The following HECW1 variants were observed in gnomAD, a reference collection of about 807,000 sequenced individuals.
HECW1 encodes the protein HECT, C2 and WW domain containing E3 ubiquitin protein ligase 1.
HECW1 carries 61 observed loss-of-function variants against 182.3 expected under a neutral mutation model. The ratio of observed to expected loss-of-function variants is 0.33; its 90% CI spans 0.27 to 0.41. The LOEUF (loss-of-function observed/expected upper bound fraction) is 0.41. Among genes scored for constraint, HECW1 ranks in the 10% least tolerant of loss-of-function variants. The pLI is 1.00. For missense variants in HECW1, 1,739 were observed against 2,108.9 expected, an observed-to-expected ratio of 0.82 and a Z score of 3.44; for synonymous variants, 859 against 832.6, an observed-to-expected ratio of 1.03 and a Z score of -0.55.
chr7:43,198,810 G>A (rs1562663908), intron 2 of HECW1, among the ~76,000 whole-genome samples: 1 of 151,686 alleles, frequency 6.6e-6, no homozygotes, highest in African/African-American at 2.4e-5. Context: ...ACACATCCTC[G>A]CACACCCGCA....
At chr7:43,539,159 G>A (rs1020323372) in intron 24 of HECW1, among the ~76,000 whole-genome samples, 7 of 152,184 alleles carry the variant, frequency 4.6e-5, no homozygotes, top group Non-Finnish European at 2.9e-5. Flanking sequence ...GAATGAACTA[G>A]TAGGTTCAAT....
At chr7:43,476,769 C>T (rs1007755347) in intron 16 of HECW1, among the ~76,000 whole-genome samples, 1 of 152,044 alleles carries the variant, frequency 6.6e-6, no homozygotes, top group Middle Eastern at 3.4e-3. Flanking sequence ...TAATATTATA[C>T]CAAAATAAGT....
At chr7:43,229,032 T>C (rs1017649761) in intron 2 of HECW1, among the ~76,000 whole-genome samples, 1 of 152,224 alleles carries the variant, frequency 6.6e-6, no homozygotes, top group Non-Finnish European at 1.5e-5. Flanking sequence ...GAATGAATTA[T>C]TTTTGTAATA....
At position 43,520,510 on chromosome 7, in the gene HECW1, G is replaced by A. The variant is rs113628897; in HGVS notation, c.4019+11389G>A. ...TTCTTCTTCTCTCATTTACATGGGC[G>A]CAAATTTCCTACCCTGAAAATCCAC... On this transcript the variant is annotated intron_variant, in intron 24 of 29. Coordinates refer to ENST00000395891, the MANE Select transcript of HECW1 (RefSeq NM_015052.5). 9.0e-3 allele frequency among the ~76,000 whole-genome samples: 1,363 copies of A among 152,136 alleles called. 20 individuals carry two copies. Among genetic ancestry groups the A allele is most frequent in the East Asian group, 0.028 (147 of 5,170 alleles).
At chr7:43,479,840 T>G (rs1585035381) in intron 17 of HECW1, 96 bp downstream of exon 17, 1 of 1,454,198 alleles carries the variant, frequency 6.9e-7, no homozygotes, top group Non-Finnish European at 9.5e-7. Context: ...GGATCTAGGG[T>G]TGCCTGCGCT....
rs542996883 is a variant in HECW1 at position 43,181,978 on chromosome 7, G to T, written c.-31-61897G>T. Among the ~76,000 whole-genome samples the T allele has an allele frequency of 7.6e-4, 115 of 151,480 alleles. 3 individuals are homozygous for T. The highest frequency in any genetic ancestry group is 2.7e-3 in the African/African-American group (111 of 40,832). On this transcript the variant is annotated intron_variant, in intron 2 of 29. Transcript: ENST00000395891. ...TTTTTGTATTTTTAGTAGAAATGGG[G>T]TTTCACCATGTTAGCCAGGAAGGTC...
chr7:43,486,072 T>C, intron 17 of HECW1, among the ~76,000 whole-genome samples: 1 of 151,456 alleles, frequency 6.6e-6, no homozygotes, highest in Non-Finnish European at 1.5e-5. Flanking sequence ...TGTGTTCTCA[T>C]TGTTCAACTC....
chr7:43,118,147 A>C (rs1006633602), intron 2 of HECW1: 3 of 152,434 alleles, frequency 2.0e-5, no homozygotes, highest in Non-Finnish European at 2.9e-5. Flanking sequence ...CCTTTTATAT[A>C]TTTAGTGAAG....
rs1301002071 is a variant in HECW1, at chr7:43,488,416, GAGAGAGAAAGAAAGAA to G, written c.3235-3653_3235-3638del. Among the ~76,000 whole-genome samples the G allele has an allele frequency of 3.9e-4, 45 of 114,612 alleles. 1 individual carries two copies. The highest frequency in any genetic ancestry group is 1.1e-3 in the African/African-American group (36 of 31,598). The allele number at this position is 114,612 out of a possible 152,430, so 75.2% of individuals were successfully genotyped here. A position where few individuals can be genotyped will look rare whatever the true frequency, so the allele number is the denominator to read the frequency against. On this transcript the variant is annotated intron_variant, in intron 17 of 29. Transcript: ENST00000395891. ...GAAGGAAGGAAATGAAAGAAAGAGA[GAGAGAGAAAGAAAGAA>G]AGAGAAAGAAAGAAAGAAAGAAAGA...
chr7:43,428,046 G>A (rs1205002850), intron 8 of HECW1, among the ~76,000 whole-genome samples: 2 of 152,172 alleles, frequency 1.3e-5, no homozygotes. Context: ...CCTGCACCTA[G>A]TGGAAGGGGA....
At chr7:43,264,306 A>G (rs977159098) in intron 3 of HECW1, among the ~76,000 whole-genome samples, 2 of 152,108 alleles carry the variant, frequency 1.3e-5, no homozygotes, top group Admixed American at 1.3e-4. Context: ...TGACTTTTTT[A>G]GATTCCACAT....
At chr7:43,299,189 G>A (rs891707246) in intron 3 of HECW1, among the ~76,000 whole-genome samples, 3 of 152,330 alleles carry the variant, frequency 2.0e-5, no homozygotes, top group Admixed American at 2.0e-4. Flanking sequence ...TTGCTACAGA[G>A]AGTCAAGGAG....
rs117527127 is a variant in HECW1, at chr7:43,565,942, C to T, written c.*4016C>T. On this transcript the variant is annotated 3_prime_UTR_variant, in exon 30 of 30. Coordinates refer to ENST00000395891, the MANE Select transcript of HECW1 (RefSeq NM_015052.5). Reference sequence around the variant, plus strand: ...GAAATGTCACGTGATACTCAGGCCGCGCTTTCTCTTCCATCACACCATCTT... The same window carrying T: ...GAAATGTCACGTGATACTCAGGCCGTGCTTTCTCTTCCATCACACCATCTT... 259 of 194,012 alleles carry T rather than the reference C, an allele frequency of 1.3e-3. 2 individuals carry two copies. In the East Asian group the frequency reaches 0.017, roughly 13 times the overall value. 12.0% of individuals were successfully genotyped at this position (194,012 alleles called of 1,614,324 possible). A position where few individuals can be genotyped will look rare whatever the true frequency, so the allele number is the denominator to read the frequency against.
Position 43,438,454 on chromosome 7 carries a change from T to C in HECW1, c.944+309T>C, listed in dbSNP as rs186281507. The C allele has an allele frequency of 5.9e-4, 113 of 191,262 alleles. 1 individual carries two copies. Among genetic ancestry groups the C allele is most frequent in the Non-Finnish European group, 4.4e-4 (41 of 93,892 alleles). 11.8% of individuals were successfully genotyped at this position (191,262 alleles called of 1,614,324 possible). A position where few individuals can be genotyped will look rare whatever the true frequency, so the allele number is the denominator to read the frequency against. On this transcript the variant is annotated intron_variant, in intron 9 of 29. Coordinates refer to ENST00000395891, the MANE Select transcript of HECW1 (RefSeq NM_015052.5). ...GGCATTTTTCTGTACAGGTAGAAAC[T>C]AAAGTTTGTTTTACTATGAAGAATA...
chr7:43,221,623 G>A (rs1274842298), intron 2 of HECW1, among the ~76,000 whole-genome samples: 6 of 119,774 alleles, frequency 5.0e-5, no homozygotes, highest in Admixed American at 3.7e-4. Flanking sequence ...GCGCTATCTC[G>A]GCTTACTGCA....
intron 29 of HECW1, among the ~76,000 whole-genome samples, chr7:43,558,039 G>C (rs115649153): frequency 6.6e-6 from 1 of 152,186 alleles, no homozygotes; most frequent in Non-Finnish European, 1.5e-5. Flanking sequence ...GTCCATCCAC[G>C]TCACAGCGTG....
At chr7:43,200,361 CA>C (rs1440320493) in intron 2 of HECW1, among the ~76,000 whole-genome samples, 1 of 152,168 alleles carries the variant, frequency 6.6e-6, no homozygotes, top group Non-Finnish European at 1.5e-5. Flanking sequence ...ATGCTTTCGT[CA>C]AAAACTTAAG....
intron 6 of HECW1, among the ~76,000 whole-genome samples, chr7:43,384,612 G>C (rs911968375): frequency 6.6e-6 from 1 of 152,150 alleles, no homozygotes; most frequent in South Asian, 2.1e-4. Context: ...GTCAGTGAGG[G>C]GGAAAACGTT....
chr7:43,518,741 G>T (rs1169229022), intron 24 of HECW1, among the ~76,000 whole-genome samples: 2 of 152,056 alleles, frequency 1.3e-5, no homozygotes, highest in African/African-American at 4.8e-5. Context: ...AAATTCAAAT[G>T]ATTGATAAAC....
Sources: gnomAD v4.1 joint callset for allele counts (sites outside exome capture counted in the v4.1 genomes callset) on GRCh38, gnomAD v4.1.1 for gene constraint, MANE v1.5 for transcripts, NCBI Gene and HGNC (gene_info 2026-07-23, HGNC 2026-07-21) for gene names.